SLX4IP: variants seen among roughly 807,000 people sequenced by gnomAD.
SLX4IP encodes the protein protein SLX4IP.
A neutral mutation model predicts 32.9 loss-of-function variants in SLX4IP; 34 were observed. The ratio of observed to expected loss-of-function variants is 1.03; its 90% CI spans 0.79 to 1.38. The LOEUF is 1.38. Among genes scored for constraint, SLX4IP ranks in the 40% most tolerant of loss-of-function variants. The pLI, the probability that SLX4IP is intolerant of heterozygous loss-of-function variation, is 0.00. For missense variants in SLX4IP, 444 were observed against 479.0 expected (o/e 0.93, Z 0.68); for synonymous variants, 172 against 171.7 (o/e 1.00, Z -0.01).
At chr20:10,576,136 T>C (rs1297484707) in intron 4 of SLX4IP, among the ~76,000 whole-genome samples, 1 of 152,224 alleles carries the variant, frequency 6.6e-6, no homozygotes, top group Non-Finnish European at 1.5e-5. Flanking sequence ...TAACCTACAA[T>C]TGTGAAGTTT....
At chr20:10,533,271 C>T (rs539882036) in intron 2 of SLX4IP, among the ~76,000 whole-genome samples, 5 of 152,112 alleles carry the variant, frequency 3.3e-5, no homozygotes, top group East Asian at 3.9e-4. Flanking sequence ...CATGTCTTCT[C>T]GATGGTCTGA....
At chr20:10,554,806 G>C (rs6108625) in intron 2 of SLX4IP, among the ~76,000 whole-genome samples, 4 of 151,680 alleles carry the variant, frequency 2.6e-5, no homozygotes. Context: ...TCAGTTTGTA[G>C]GAGTTCTTTA....
intron 6 of SLX4IP, among the ~76,000 whole-genome samples, chr20:10,617,513 G>A (rs1244494975): frequency 1.3e-5 from 2 of 152,106 alleles, no homozygotes; most frequent in African/African-American, 2.4e-5. Flanking sequence ...ATCCAACAGT[G>A]TTCTGTTCAA....
chr20:10,619,731 A>G (rs2067085199), intron 6 of SLX4IP, among the ~76,000 whole-genome samples: 1 of 152,194 alleles, frequency 6.6e-6, no homozygotes, highest in South Asian at 2.1e-4. Flanking sequence ...GGGAGAATCT[A>G]CTGTACTTAT....
Position 10,621,424 on chromosome 20 carries a change from A to C in SLX4IP, c.506+10A>C. ...ATGCTCTGAAAGAAATGTAGGTGCAATGTGTTTCCTTTTTCTCATTTTTGC... is the reference window on the plus strand; with the variant it reads ...ATGCTCTGAAAGAAATGTAGGTGCACTGTGTTTCCTTTTTCTCATTTTTGC... On this transcript the variant is annotated intron_variant, in intron 7 of 7. Transcript: ENST00000334534. 1 of 1,612,990 alleles carries C rather than the reference A, an allele frequency of 6.2e-7. No homozygotes were observed. Among genetic ancestry groups the C allele is most frequent in the Non-Finnish European group, 8.5e-7 (1 of 1,179,088 alleles).
At chr20:10,567,151 G>A (rs913883288) in intron 4 of SLX4IP, among the ~76,000 whole-genome samples, 1 of 152,160 alleles carries the variant, frequency 6.6e-6, no homozygotes, top group African/African-American at 2.4e-5. Context: ...TGAGCCCTTT[G>A]AGCAGGTACT....
intron 6 of SLX4IP, among the ~76,000 whole-genome samples, chr20:10,617,164 T>C (rs1385141341): frequency 6.6e-6 from 1 of 152,254 alleles, no homozygotes. Context: ...GACCACACTT[T>C]GCAAAAGGCT....
intron 2 of SLX4IP, among the ~76,000 whole-genome samples, chr20:10,542,912 G>A (rs1401037628): frequency 6.6e-6 from 1 of 152,132 alleles, no homozygotes; most frequent in Non-Finnish European, 1.5e-5. Context: ...TTGTGGGTAT[G>A]TCCCCTATAT....
chr20:10,503,746 C>G (rs1392466368), intron 2 of SLX4IP, among the ~76,000 whole-genome samples: 2 of 152,130 alleles, frequency 1.3e-5, no homozygotes, highest in Admixed American at 6.5e-5. Context: ...TCTGAGGGCT[C>G]TAGGGGAGAT....
At chr20:10,460,514 G>T (rs548127286) in intron 2 of SLX4IP, among the ~76,000 whole-genome samples, 1 of 152,312 alleles carries the variant, frequency 6.6e-6, no homozygotes, top group African/African-American at 2.4e-5. Flanking sequence ...TCTGTTAATT[G>T]TTGTCCTTTA....
chr20:10,525,783 C>G (rs915633715), intron 2 of SLX4IP, among the ~76,000 whole-genome samples: 1 of 152,216 alleles, frequency 6.6e-6, no homozygotes, highest in Non-Finnish European at 1.5e-5. Context: ...GCATTCAAGG[C>G]TCAGCGCACA....
intron 2 of SLX4IP, among the ~76,000 whole-genome samples, chr20:10,515,796 C>T (rs2065845210): frequency 6.6e-6 from 1 of 152,128 alleles, no homozygotes; most frequent in South Asian, 2.1e-4. Flanking sequence ...TTATTTCTTT[C>T]TGAAAGCTGA....
chr20:10,598,791 C>G, intron 5 of SLX4IP, 39 bp downstream of exon 5: 1 of 1,585,842 alleles, frequency 6.3e-7, no homozygotes, highest in Non-Finnish European at 8.7e-7. Flanking sequence ...ACATTTCACA[C>G]AATCTGCTTG....
chr20:10,464,712 T>C (rs76103952), intron 2 of SLX4IP, among the ~76,000 whole-genome samples: 2 of 152,348 alleles, frequency 1.3e-5, no homozygotes, highest in Non-Finnish European at 2.9e-5. Flanking sequence ...AGACTGCCCT[T>C]GGAATGGCAT....
chr20:10,560,078 T>C (rs773265458), intron 3 of SLX4IP, among the ~76,000 whole-genome samples: 1 of 152,250 alleles, frequency 6.6e-6, no homozygotes, highest in Non-Finnish European at 1.5e-5. Flanking sequence ...ATATAAAAAT[T>C]ACTGTTTCTG....
intron 4 of SLX4IP, among the ~76,000 whole-genome samples, chr20:10,590,148 G>A (rs1203954397): frequency 6.6e-6 from 1 of 151,888 alleles, no homozygotes; most frequent in African/African-American, 2.4e-5. Context: ...CTTTATGATG[G>A]TTAGCCCTTC....
chr20:10,484,706 T>C (rs180811238), intron 2 of SLX4IP, among the ~76,000 whole-genome samples: 1 of 152,202 alleles, frequency 6.6e-6, no homozygotes, highest in African/African-American at 2.4e-5. Flanking sequence ...AGAAAAGATA[T>C]GCTTTTATTA....
intron 2 of SLX4IP, among the ~76,000 whole-genome samples, chr20:10,524,354 T>A (rs143112818): frequency 6.6e-6 from 1 of 152,162 alleles, no homozygotes; most frequent in African/African-American, 2.4e-5. Context: ...GGTTTACACA[T>A]AACAGGCATA....
chr20:10,613,778 A>G (rs1175967168), intron 6 of SLX4IP: 26 of 1,613,738 alleles, frequency 1.6e-5, no homozygotes, highest in Non-Finnish European at 2.5e-6. Context: ...CGCAAAGCAC[A>G]GACTCCATGA....
Sources: allele counts gnomAD v4.1 joint callset (sites outside exome capture counted in the v4.1 genomes callset), GRCh38; gene constraint gnomAD v4.1.1; transcripts MANE v1.5; gene names NCBI Gene and HGNC (gene_info 2026-07-23, HGNC 2026-07-21).